Variants in ANO3 observed in about 807,000 individuals in gnomAD.
The protein encoded by ANO3 is anoctamin 3.
A neutral mutation model predicts 144.8 loss-of-function variants in ANO3; 99 were observed. The observed-to-expected ratio is 0.68, with a 90% confidence interval of 0.58 to 0.81. ANO3 has a LOEUF of 0.81. Among genes scored for constraint, ANO3 ranks in the 30% least tolerant of loss-of-function variants. The pLI is 0.00. For synonymous variants in ANO3, 414 were observed against 392.6 expected, an observed-to-expected ratio of 1.05 and a Z score of -0.64; for missense variants, 905 against 1,202.2, an observed-to-expected ratio of 0.75 and a Z score of 3.66.
At chr11:26,498,404 T>C (rs1861052860) in intron 4 of ANO3, among the ~76,000 whole-genome samples, 1 of 151,604 alleles carries the variant, frequency 6.6e-6, no homozygotes, top group Non-Finnish European at 1.5e-5. Flanking sequence ...AACAGACTTG[T>C]TATAAGTAAG....
In ANO3 at chr11:26,234,002, T is replaced by G. The variant is rs1358987681; in HGVS notation, c.154+44672T>G. 1.3e-5 allele frequency among the ~76,000 whole-genome samples: 2 copies of G among 151,882 alleles called. 1 individual carries two copies. The highest frequency in any genetic ancestry group is 4.8e-5 in the African/African-American group (2 of 41,356). On this transcript the variant is annotated intron_variant, in intron 1 of 27. Coordinates refer to the ANO3 transcript ENST00000672621. Reference sequence around the variant, plus strand: ...CAAATGCCTAATGTATGCGGGGGGCTGAAAACCTAGATGACAGGTTGATAG... The same window carrying G: ...CAAATGCCTAATGTATGCGGGGGGCGGAAAACCTAGATGACAGGTTGATAG...
intron 1 of ANO3, among the ~76,000 whole-genome samples, chr11:26,418,298 AG>A (rs1384412833): frequency 6.6e-6 from 1 of 152,122 alleles, no homozygotes; most frequent in Non-Finnish European, 1.5e-5. Context: ...AATTGCTTTT[AG>A]TTGAGTTACT....
chr11:26,343,554 C>G (rs1855418893), intron 1 of ANO3, among the ~76,000 whole-genome samples: 1 of 152,254 alleles, frequency 6.6e-6, no homozygotes, highest in East Asian at 1.9e-4. Context: ...CCACTCACGA[C>G]TCCGTGGTAC....
At chr11:26,534,711 T>C in intron 9 of ANO3, 149 bp downstream of exon 9, 1 of 447,748 alleles carries the variant, frequency 2.2e-6, no homozygotes. Context: ...CATTCCATTT[T>C]TCAGCCTTTT....
At chr11:26,403,629 T>C (rs1056519702) in intron 1 of ANO3, among the ~76,000 whole-genome samples, 2 of 151,890 alleles carry the variant, frequency 1.3e-5, no homozygotes, top group Non-Finnish European at 2.9e-5. Context: ...CTTCAAAAAC[T>C]ACCATTTGAC....
At chr11:26,620,614 A>G (rs1852386850) in intron 17 of ANO3, among the ~76,000 whole-genome samples, 1 of 152,166 alleles carries the variant, frequency 6.6e-6, no homozygotes, top group African/African-American at 2.4e-5. Flanking sequence ...CTCTAACAAA[A>G]AAAGAAAAAG....
At chr11:26,576,675 T>C (rs887012303) in intron 14 of ANO3, among the ~76,000 whole-genome samples, 5 of 152,212 alleles carry the variant, frequency 3.3e-5, no homozygotes, top group African/African-American at 1.2e-4. Context: ...TCATAGCACT[T>C]ATTGCCATCT....
intron 14 of ANO3, among the ~76,000 whole-genome samples, chr11:26,594,593 C>A (rs111450710): frequency 0.12 from 18,298 of 152,058 alleles, 1,466 homozygotes; most frequent in Non-Finnish European, 0.18. Flanking sequence ...TTGGAGGGGG[C>A]GTAATCGGGT....
intron 1 of ANO3, among the ~76,000 whole-genome samples, chr11:26,394,978 A>G (rs1856972030): frequency 6.6e-6 from 1 of 152,118 alleles, no homozygotes; most frequent in Admixed American, 6.6e-5. Flanking sequence ...TACAGCAGAT[A>G]TTTATCTTTT....
intron 1 of ANO3, among the ~76,000 whole-genome samples, chr11:26,212,842 A>C (rs1851962003): frequency 6.6e-6 from 1 of 152,144 alleles, no homozygotes; most frequent in African/African-American, 2.4e-5. Flanking sequence ...TGTAAATTTC[A>C]GGCCAATATC....
chr11:26,657,321 T>C (rs1329759189), intron 26 of ANO3, among the ~76,000 whole-genome samples: 1 of 152,180 alleles, frequency 6.6e-6, no homozygotes, highest in African/African-American at 2.4e-5. Flanking sequence ...AAGGGTATCA[T>C]CGAGGACTGA....
chr11:26,652,658 C>T (rs1336162378), intron 24 of ANO3, among the ~76,000 whole-genome samples: 1 of 152,168 alleles, frequency 6.6e-6, no homozygotes, highest in African/African-American at 2.4e-5. Context: ...AGATAAAGTC[C>T]TCCCTTGTCC....
At chr11:26,453,454 A>G (rs1272495611) in intron 3 of ANO3, among the ~76,000 whole-genome samples, 1 of 152,164 alleles carries the variant, frequency 6.6e-6, no homozygotes, top group Admixed American at 6.5e-5. Flanking sequence ...AACAGGCTTT[A>G]AACCAACAAA....
chr11:26,573,694 A>G (rs918940322), intron 14 of ANO3, among the ~76,000 whole-genome samples: 4 of 152,024 alleles, frequency 2.6e-5, no homozygotes, highest in Admixed American at 2.6e-4. Context: ...CTAATTTCTC[A>G]TGTTGCTTTT....
At chr11:26,356,084 A>AT (rs1855775438) in intron 1 of ANO3, among the ~76,000 whole-genome samples, 1 of 151,984 alleles carries the variant, frequency 6.6e-6, no homozygotes, top group African/African-American at 2.4e-5. Context: ...TTGTGTTTTG[A>AT]TTTTTTATGA....
intron 8 of ANO3, among the ~76,000 whole-genome samples, chr11:26,533,710 G>C (rs375747211): frequency 3.3e-4 from 50 of 152,184 alleles, no homozygotes; most frequent in African/African-American, 1.2e-3. Context: ...GCTGGAGAGA[G>C]ACAGTTTAGT....
intron 14 of ANO3, among the ~76,000 whole-genome samples, chr11:26,568,024 G>A (rs1167780559): frequency 6.6e-6 from 1 of 151,972 alleles, no homozygotes; most frequent in Non-Finnish European, 1.5e-5. Context: ...AGGAGGTTGT[G>A]TGCTGGTGAT....
chr11:26,503,541 GT>G, intron 4 of ANO3, among the ~76,000 whole-genome samples: 1 of 152,186 alleles, frequency 6.6e-6, no homozygotes, highest in East Asian at 1.9e-4. Context: ...TTCAGAAGAG[GT>G]TTCCAAATTT....
At chr11:26,230,778 C>A in intron 1 of ANO3, among the ~76,000 whole-genome samples, 1 of 110,462 alleles carries the variant, frequency 9.1e-6, no homozygotes, top group Non-Finnish European at 1.7e-5. Context: ...GCCTGGGTGA[C>A]AGAGCATGAC....
Sources: gnomAD v4.1 joint callset for allele counts (sites outside exome capture counted in the v4.1 genomes callset) on GRCh38, gnomAD v4.1.1 for gene constraint, MANE v1.5 for transcripts, NCBI Gene and HGNC (gene_info 2026-07-23, HGNC 2026-07-21) for gene names.